Variants in MGAT4C observed in about 807,000 individuals in gnomAD.
MGAT4C encodes MGAT4 family member C.
A neutral mutation model predicts 40.1 loss-of-function variants in MGAT4C; 19 were observed. The ratio of observed to expected loss-of-function variants is 0.47; its 90% CI spans 0.33 to 0.70. The LOEUF (loss-of-function observed/expected upper bound fraction) is 0.70, where lower values mean the gene tolerates loss of function less well. MGAT4C is among the 30% of genes least tolerant of loss of function. The pLI is 0.02. For missense variants in MGAT4C, 491 were observed against 563.2 expected (o/e 0.87, Z 1.30); for synonymous variants, 181 against 187.1 (o/e 0.97, Z 0.27).
At chr12:86,697,127 C>A (rs1173321600) in intron 2 of MGAT4C, among the ~76,000 whole-genome samples, 1 of 152,130 alleles carries the variant, frequency 6.6e-6, no homozygotes, top group East Asian at 1.9e-4. Flanking sequence ...TCATAAGCTT[C>A]ATGAGTTCTA....
At chr12:86,028,615 A>C (rs1890459295) in intron 2 of MGAT4C, among the ~76,000 whole-genome samples, 1 of 151,974 alleles carries the variant, frequency 6.6e-6, no homozygotes, top group Admixed American at 6.6e-5. Context: ...ATTTGAGAAC[A>C]CAGACAAAGC....
At chr12:86,242,305 A>C (rs1483067689) in intron 1 of MGAT4C, among the ~76,000 whole-genome samples, 1 of 152,172 alleles carries the variant, frequency 6.6e-6, no homozygotes, top group Non-Finnish European at 1.5e-5. Context: ...GGTGTGTAAG[A>C]CATTCCCCTT....
At chr12:86,541,275 T>C (rs1429608668) in intron 2 of MGAT4C, among the ~76,000 whole-genome samples, 2 of 152,160 alleles carry the variant, frequency 1.3e-5, no homozygotes, top group East Asian at 3.8e-4. Context: ...TGAAAATATG[T>C]TTTAGATATC....
intron 2 of MGAT4C, among the ~76,000 whole-genome samples, chr12:86,572,002 A>G (rs2136422981): frequency 6.6e-6 from 1 of 152,264 alleles, no homozygotes. Context: ...CCAACAACTT[A>G]AAGCGATAAT....
At chr12:86,139,681 T>C (rs1175017752) in intron 1 of MGAT4C, among the ~76,000 whole-genome samples, 3 of 152,108 alleles carry the variant, frequency 2.0e-5, no homozygotes, top group African/African-American at 7.2e-5. Flanking sequence ...AAAATGTATA[T>C]ATATGCTTTC....
chr12:86,362,486 TA>T (rs59159761), intron 3 of MGAT4C, among the ~76,000 whole-genome samples: 99,476 of 151,660 alleles, frequency 0.66, 33,317 homozygotes, highest in South Asian at 0.77. Flanking sequence ...TAAGGTATAA[TA>T]AAAAAAATAG....
chr12:86,194,755 C>A (rs113482545), intron 1 of MGAT4C, among the ~76,000 whole-genome samples: 1 of 152,038 alleles, frequency 6.6e-6, no homozygotes, highest in Non-Finnish European at 1.5e-5. Context: ...TGAACCACTG[C>A]GCCCAGCTGG....
At chr12:86,526,117 C>A (rs753513171) in intron 2 of MGAT4C, among the ~76,000 whole-genome samples, 3 of 152,138 alleles carry the variant, frequency 2.0e-5, no homozygotes, top group Non-Finnish European at 4.4e-5. Flanking sequence ...GGTGTTGGCA[C>A]AGGGACGGTG....
chr12:86,113,290 A>G (rs570424300), intron 1 of MGAT4C, among the ~76,000 whole-genome samples: 1 of 151,966 alleles, frequency 6.6e-6, no homozygotes, highest in African/African-American at 2.4e-5. Flanking sequence ...AATTATCAAG[A>G]GTGACTTAAG....
At chr12:86,239,094 T>C (rs563334276) in intron 1 of MGAT4C, among the ~76,000 whole-genome samples, 1 of 152,180 alleles carries the variant, frequency 6.6e-6, no homozygotes, top group South Asian at 2.1e-4. Flanking sequence ...AGTGTTCTTG[T>C]CTTTTACTTT....
intron 1 of MGAT4C, among the ~76,000 whole-genome samples, chr12:86,748,977 T>C (rs1951194961): frequency 6.6e-6 from 1 of 151,200 alleles, no homozygotes; most frequent in Admixed American, 6.6e-5. Context: ...TCCAAGCTTA[T>C]TTAAAAAGTA....
intron 1 of MGAT4C, among the ~76,000 whole-genome samples, chr12:86,123,999 G>A (rs1206912246): frequency 6.6e-6 from 1 of 151,858 alleles, no homozygotes; most frequent in Non-Finnish European, 1.5e-5. Context: ...ATGATTCTAC[G>A]ACTCCACCGA....
chr12:86,431,770 T>C (rs1403873066), intron 3 of MGAT4C, among the ~76,000 whole-genome samples: 1 of 152,166 alleles, frequency 6.6e-6, no homozygotes, highest in African/African-American at 2.4e-5. Context: ...GAGGGTATCA[T>C]GCCACTTTCT....
At chr12:86,124,556 G>A (rs1159798338) in intron 1 of MGAT4C, among the ~76,000 whole-genome samples, 1 of 152,104 alleles carries the variant, frequency 6.6e-6, no homozygotes, top group East Asian at 1.9e-4. Flanking sequence ...ATCCTAATTT[G>A]TAGAGCAAGT....
At chr12:86,823,908 A>T (rs1377838161) in intron 1 of MGAT4C, among the ~76,000 whole-genome samples, 2 of 151,512 alleles carry the variant, frequency 1.3e-5, no homozygotes, top group East Asian at 3.9e-4. Flanking sequence ...TAATAGGTTT[A>T]AAAAGTTTAT....
At chr12:86,754,211 A>C (rs1452070463) in intron 1 of MGAT4C, among the ~76,000 whole-genome samples, 2 of 152,142 alleles carry the variant, frequency 1.3e-5, no homozygotes, top group African/African-American at 4.8e-5. Flanking sequence ...TCTCAAAATA[A>C]TTGTATTGAA....
intron 3 of MGAT4C, among the ~76,000 whole-genome samples, chr12:86,434,831 C>A (rs1957109781): frequency 6.6e-6 from 1 of 151,796 alleles, no homozygotes; most frequent in African/African-American, 2.4e-5. Flanking sequence ...GCCATGGTAT[C>A]AGAATACCAA....
intron 1 of MGAT4C, among the ~76,000 whole-genome samples, chr12:86,793,078 C>T (rs975123688): frequency 9.2e-5 from 14 of 152,112 alleles, no homozygotes; most frequent in African/African-American, 2.9e-4. Context: ...AGCTTATTTG[C>T]TAGAAAATAC....
At chr12:86,698,323 T>C (rs539525041) in intron 2 of MGAT4C, among the ~76,000 whole-genome samples, 1 of 151,974 alleles carries the variant, frequency 6.6e-6, no homozygotes, top group Non-Finnish European at 1.5e-5. Flanking sequence ...TTTAAATAAG[T>C]GAAAATTTTT....
Sources: allele counts gnomAD v4.1 joint callset (sites outside exome capture counted in the v4.1 genomes callset), GRCh38; gene constraint gnomAD v4.1.1; transcripts MANE v1.5; gene names NCBI Gene and HGNC (gene_info 2026-07-23, HGNC 2026-07-21).